The following APTX variants were observed in gnomAD, a reference collection of about 807,000 sequenced individuals.
APTX encodes aprataxin.
Under a neutral mutation model 42.3 loss-of-function variants are expected in APTX, and 33 were observed. That is an observed-to-expected ratio of 0.78 (90% CI 0.59 to 1.04). APTX has a LOEUF of 1.04. Among genes scored for constraint, APTX ranks in the 50% least tolerant of loss-of-function variants. APTX has a pLI of 0.00. For synonymous variants in APTX, 130 were observed against 146.7 expected, an observed-to-expected ratio of 0.89 and a Z score of 0.82; for missense variants, 421 against 415.1, an observed-to-expected ratio of 1.01 and a Z score of -0.12.
At chr9:32,998,731 G>T (rs951159205) in intron 1 of APTX, among the ~76,000 whole-genome samples, 29 of 152,020 alleles carry the variant, frequency 1.9e-4, no homozygotes, top group Admixed American at 9.8e-4. Flanking sequence ...GGGGTGAGGG[G>T]CTAGGGGAGG....
chr9:33,004,257 T>C (rs143220400), upstream of APTX, among the ~76,000 whole-genome samples: 804 of 152,322 alleles, frequency 5.3e-3, 8 homozygotes, highest in African/African-American at 0.018. Context: ...ATAATGTTCA[T>C]TGGAGATTCA....
At chr9:32,998,157 A>G (rs1345226136) in intron 1 of APTX, among the ~76,000 whole-genome samples, 1 of 152,170 alleles carries the variant, frequency 6.6e-6, no homozygotes, top group Non-Finnish European at 1.5e-5. Context: ...TGTCTGTGGG[A>G]CTTGCAGGCA....
intron 5 of APTX, among the ~76,000 whole-genome samples, chr9:32,985,726 C>T (rs1238732264): frequency 1.3e-5 from 2 of 152,046 alleles, no homozygotes; most frequent in Admixed American, 6.6e-5. Context: ...CCTTAAAGTA[C>T]CCAGAAGTTT....
At chr9:32,993,603 C>T (rs929573491) in intron 1 of APTX, among the ~76,000 whole-genome samples, 2 of 152,142 alleles carry the variant, frequency 1.3e-5, no homozygotes, top group Non-Finnish European at 2.9e-5. Flanking sequence ...CCTTCTCTCT[C>T]CCTTCCTTCT....
chr9:32,982,959 T>C (rs2118621249), intron 6 of APTX, among the ~76,000 whole-genome samples: 1 of 152,318 alleles, frequency 6.6e-6, no homozygotes, highest in South Asian at 2.1e-4. Context: ...TCTTCTTCTT[T>C]TTTGAGACAG....
At chr9:32,973,711 C>CAAAAAAAAAAAAAAAAAAAAA in intron 7 of APTX, 59 bp from the exon 8 acceptor site, 7 of 1,331,624 alleles carry the variant, frequency 5.3e-6, no homozygotes, top group Non-Finnish European at 6.2e-6. Flanking sequence ...TATGAGATAC[C>CAAAAAAAAAAAAAAAAAAAAA]AAAAAAAAAA....
chr9:33,018,914 G>A (rs1564005894), intron 1 of APTX, among the ~76,000 whole-genome samples: 1 of 152,042 alleles, frequency 6.6e-6, no homozygotes. Context: ...AACTGTCAAG[G>A]TCCTTAAAAA....
At chr9:33,004,407 C>A (rs974028565), upstream of APTX, among the ~76,000 whole-genome samples, 3 of 152,150 alleles carry the variant, frequency 2.0e-5, no homozygotes, top group Non-Finnish European at 4.4e-5. Context: ...ACCATTTGTA[C>A]CCCTAAAGCC....
intron 1 of APTX, among the ~76,000 whole-genome samples, chr9:33,014,684 C>G (rs1837773037): frequency 6.6e-6 from 1 of 152,238 alleles, no homozygotes; most frequent in South Asian, 2.1e-4. Flanking sequence ...ATGCCAATTA[C>G]TATACTAGGT....
At position 33,006,691 on chromosome 9, in the gene APTX, T is replaced by C. The variant is rs560141190; in HGVS notation, c.-4-16796A>G. Among the ~76,000 whole-genome samples the C allele has an allele frequency of 2.0e-5, 3 of 151,548 alleles. No individual in the cohort carries two copies. In the East Asian group the frequency reaches 5.8e-4, roughly 29 times the overall value. ...AGAGAAACAGTAGAGAGGGAGAGGGTTGTGAGGGCGTCAAGAAAGACCTAT... is the reference window on the plus strand; with the variant it reads ...AGAGAAACAGTAGAGAGGGAGAGGGCTGTGAGGGCGTCAAGAAAGACCTAT... On this transcript the variant is annotated intron_variant, in intron 1 of 6. Transcript: ENST00000436040.
intron 5 of APTX, among the ~76,000 whole-genome samples, chr9:32,985,326 GT>G (rs5897530): frequency 0.6 from 61,893 of 103,882 alleles, 16,592 homozygotes; most frequent in South Asian, 0.7. Context: ...GATGATGCCT[GT>G]TTTTTTTTTT....
chr9:33,022,901 G>C (rs556299531), intron 1 of APTX, among the ~76,000 whole-genome samples: 6 of 152,260 alleles, frequency 3.9e-5, no homozygotes, highest in African/African-American at 1.4e-4. Context: ...AGGTTCAGTG[G>C]TGCAATCACC....
At chr9:32,974,725 C>T (rs541991214) in intron 6 of APTX, among the ~76,000 whole-genome samples, 164 bp from the exon 7 acceptor site, 1 of 152,252 alleles carries the variant, frequency 6.6e-6, no homozygotes, top group East Asian at 1.9e-4. Flanking sequence ...TTGATTCATT[C>T]ATTTACTTAA....
At position 33,021,609 on chromosome 9, in the gene APTX, G is replaced by A. The variant is rs116416541; in HGVS notation, c.-5+3414C>T. ...ACACCAAGGCAGGACAACTGCTTGA[G>A]CCCAGGAGTTCAAGAACAGCCTGGG... On this transcript the variant is annotated intron_variant, in intron 1 of 6. Coordinates refer to the APTX transcript ENST00000436040. 4.9e-3 allele frequency among the ~76,000 whole-genome samples: 742 copies of A among 152,210 alleles called. 8 individuals carry two copies. The highest frequency in any genetic ancestry group is 0.017 in the African/African-American group (716 of 41,532).
chr9:32,998,055 G>T (rs903991481), intron 1 of APTX, among the ~76,000 whole-genome samples: 9 of 152,198 alleles, frequency 5.9e-5, no homozygotes, highest in Non-Finnish European at 1.2e-4. Flanking sequence ...GAGATGTTTA[G>T]GGGGTAAAAC....
chr9:32,982,967 C>CA (rs1831045719), intron 6 of APTX, among the ~76,000 whole-genome samples: 1 of 151,782 alleles, frequency 6.6e-6, no homozygotes, highest in Non-Finnish European at 1.5e-5. Flanking sequence ...TTTTTTGAGA[C>CA]AGAGTCTCAC....
At chr9:32,989,373 G>A (rs1036260222) in intron 2 of APTX, among the ~76,000 whole-genome samples, 1 of 152,134 alleles carries the variant, frequency 6.6e-6, no homozygotes, top group African/African-American at 2.4e-5. Context: ...ATAATACTTT[G>A]CGTGAAGCAA....
chr9:32,987,945 C>T, intron 3 of APTX, 99 bp from the exon 4 acceptor site: 1 of 1,536,104 alleles, frequency 6.5e-7, no homozygotes, highest in Non-Finnish European at 9.0e-7. Flanking sequence ...TGCCAAGCAC[C>T]TTGCCTTATG....
chr9:33,003,950 C>CAA (rs1836936517), upstream of APTX, among the ~76,000 whole-genome samples: 1 of 152,168 alleles, frequency 6.6e-6, no homozygotes, highest in Admixed American at 6.6e-5. Flanking sequence ...CTGCTATGAA[C>CAA]ATGAGTGTAT....
Sources: allele counts gnomAD v4.1 joint callset (sites outside exome capture counted in the v4.1 genomes callset), GRCh38; gene constraint gnomAD v4.1.1; transcripts MANE v1.5; gene names NCBI Gene and HGNC (gene_info 2026-07-23, HGNC 2026-07-21).